Variants in FHIT observed in about 807,000 individuals in gnomAD.
FHIT encodes bis(5'-adenosyl)-triphosphatase.
Under a neutral mutation model 17.9 loss-of-function variants are expected in FHIT, and 19 were observed. The ratio of observed to expected loss-of-function variants is 1.06; its 90% CI spans 0.74 to 1.56. FHIT has a LOEUF of 1.56. Among genes scored for constraint, FHIT ranks in the 40% most tolerant of loss-of-function variants. The pLI, the probability that FHIT is intolerant of heterozygous loss-of-function variation, is 0.00. For missense variants in FHIT, 248 were observed against 189.2 expected (o/e 1.31, Z -1.82); for synonymous variants, 81 against 69.7 (o/e 1.16, Z -0.81).
intron 4 of FHIT, among the ~76,000 whole-genome samples, chr3:60,727,659 T>C (rs1329911933): frequency 6.6e-6 from 1 of 152,242 alleles, no homozygotes; most frequent in Non-Finnish European, 1.5e-5. Context: ...CCAAATGTAT[T>C]TTATCAATTA....
At chr3:60,335,768 A>G (rs540019924) in intron 5 of FHIT, among the ~76,000 whole-genome samples, 51 of 152,334 alleles carry the variant, frequency 3.3e-4, no homozygotes, top group African/African-American at 1.1e-3. Context: ...TATTAAATTA[A>G]TTATGCCTGT....
At chr3:60,646,882 G>C (rs989332465) in intron 4 of FHIT, among the ~76,000 whole-genome samples, 1 of 152,184 alleles carries the variant, frequency 6.6e-6, no homozygotes, top group African/African-American at 2.4e-5. Flanking sequence ...GAAAAGAAGA[G>C]AAAATGTGGA....
At chr3:59,985,529 A>T (rs1708857893) in intron 7 of FHIT, among the ~76,000 whole-genome samples, 1 of 152,164 alleles carries the variant, frequency 6.6e-6, no homozygotes, top group African/African-American at 2.4e-5. Context: ...TATGTACATA[A>T]TTTAGAATTT....
At chr3:61,185,880 A>T (rs1236260948) in intron 2 of FHIT, among the ~76,000 whole-genome samples, 1 of 152,244 alleles carries the variant, frequency 6.6e-6, no homozygotes, top group Non-Finnish European at 1.5e-5. Context: ...TTATAATAGT[A>T]ATAAAGTAAT....
At chr3:60,883,065 C>T (rs1705048350) in intron 3 of FHIT, among the ~76,000 whole-genome samples, 1 of 151,806 alleles carries the variant, frequency 6.6e-6, no homozygotes, top group African/African-American at 2.4e-5. Flanking sequence ...TTCTATACAC[C>T]AACAATGAAC....
At chr3:60,585,627 G>A (rs956965873) in intron 4 of FHIT, among the ~76,000 whole-genome samples, 5 of 151,986 alleles carry the variant, frequency 3.3e-5, no homozygotes, top group Admixed American at 6.6e-5. Flanking sequence ...GGTACCCAAA[G>A]GCACAACTCA....
At chr3:61,063,622 T>C (rs2034504653) in intron 2 of FHIT, among the ~76,000 whole-genome samples, 1 of 152,102 alleles carries the variant, frequency 6.6e-6, no homozygotes, top group Admixed American at 6.6e-5. Context: ...TAGACCAAGG[T>C]TCACAAACAC....
At chr3:60,485,693 T>C (rs1251590955) in intron 5 of FHIT, among the ~76,000 whole-genome samples, 2 of 151,896 alleles carry the variant, frequency 1.3e-5, no homozygotes, top group African/African-American at 4.8e-5. Flanking sequence ...AACAGGTCAA[T>C]AGGTGCAGCA....
chr3:60,197,745 C>G (rs1227242553), intron 5 of FHIT, among the ~76,000 whole-genome samples: 5 of 152,066 alleles, frequency 3.3e-5, no homozygotes, highest in Non-Finnish European at 1.5e-5. Flanking sequence ...TCTGAAAAAC[C>G]TTTGTACATT....
chr3:60,241,080 T>C (rs1330884994), intron 5 of FHIT, among the ~76,000 whole-genome samples: 1 of 152,158 alleles, frequency 6.6e-6, no homozygotes, highest in Admixed American at 6.5e-5. Flanking sequence ...AGGGATGCAC[T>C]TGCAACAGTT....
intron 5 of FHIT, among the ~76,000 whole-genome samples, chr3:60,105,555 A>C (rs1232096523): frequency 6.6e-6 from 1 of 152,298 alleles, no homozygotes; most frequent in Non-Finnish European, 1.5e-5. Context: ...TGAAACATAT[A>C]AGAATATTGC....
chr3:60,284,585 TTTTAA>T (rs1359496894), intron 5 of FHIT, among the ~76,000 whole-genome samples: 6 of 152,108 alleles, frequency 3.9e-5, no homozygotes, highest in African/African-American at 1.4e-4. Flanking sequence ...AGCTACACTT[TTTTAA>T]TTTATTTTTC....
At chr3:60,684,832 A>C (rs1024101358) in intron 4 of FHIT, among the ~76,000 whole-genome samples, 7 of 152,126 alleles carry the variant, frequency 4.6e-5, no homozygotes, top group Non-Finnish European at 7.4e-5. Context: ...GAGAAATGCT[A>C]AAGATTGAAG....
chr3:60,802,192 C>T (rs1264314912), intron 4 of FHIT, among the ~76,000 whole-genome samples: 1 of 152,116 alleles, frequency 6.6e-6, no homozygotes, highest in Non-Finnish European at 1.5e-5. Flanking sequence ...GAGAAGAACT[C>T]AAATGGTTGT....
intron 4 of FHIT, among the ~76,000 whole-genome samples, chr3:60,618,656 A>G (rs781899393): frequency 2.6e-5 from 4 of 152,218 alleles, no homozygotes; most frequent in Non-Finnish European, 5.9e-5. Flanking sequence ...AATTTGAAGA[A>G]GCTGCGAATA....
chr3:60,367,535 C>G lies in FHIT; in HGVS notation c.103+169325G>C, dbSNP rs75384643. Among the ~76,000 whole-genome samples, 3 of 152,164 alleles carry G rather than the reference C, an allele frequency of 2.0e-5. No homozygotes were observed. The East Asian group carries it at 5.8e-4, about 29-fold the overall frequency. ...AAACTAAACCCTCTCAGATTATGTTCTTACTCAAAATACATTTGATGTATT... is the reference window on the plus strand; with the variant it reads ...AAACTAAACCCTCTCAGATTATGTTGTTACTCAAAATACATTTGATGTATT... On this transcript the variant is annotated intron_variant, in intron 5 of 9. Coordinates refer to ENST00000492590, the MANE Select transcript of FHIT (RefSeq NM_002012.4).
chr3:59,988,823 T>C (rs1419504015), intron 7 of FHIT, among the ~76,000 whole-genome samples: 3 of 151,910 alleles, frequency 2.0e-5, no homozygotes, highest in East Asian at 1.9e-4. Flanking sequence ...CCCTCCAAGA[T>C]AGGGGAATGC....
intron 4 of FHIT, among the ~76,000 whole-genome samples, chr3:60,611,982 G>A (rs1471965935): frequency 6.6e-6 from 1 of 152,090 alleles, no homozygotes; most frequent in Non-Finnish European, 1.5e-5. Context: ...GTTCTGCTCA[G>A]CTTCAAAACT....
chr3:60,163,733 T>A (rs1304466141), intron 5 of FHIT, among the ~76,000 whole-genome samples: 1 of 152,140 alleles, frequency 6.6e-6, no homozygotes, highest in Non-Finnish European at 1.5e-5. Context: ...CCGAGCATCA[T>A]GGAAAGTTTA....
Sources: allele counts gnomAD v4.1 joint callset (sites outside exome capture counted in the v4.1 genomes callset), GRCh38; gene constraint gnomAD v4.1.1; transcripts MANE v1.5; gene names NCBI Gene and HGNC (gene_info 2026-07-23, HGNC 2026-07-21).